Variants in SLC4A4 observed in about 807,000 individuals in gnomAD.
The protein encoded by SLC4A4 is solute carrier family 4 member 4.
In SLC4A4, 27 loss-of-function variants were observed where a neutral mutation model predicts 111.5. The observed-to-expected ratio is 0.24, with a 90% CI of 0.18 to 0.33. The LOEUF (loss-of-function observed/expected upper bound fraction) is 0.33. Among genes scored for constraint, SLC4A4 ranks in the 10% least tolerant of loss-of-function variants. The probability of loss-of-function intolerance (pLI) is 1.00; values close to 1 mark genes in which losing one functional copy is unlikely to be tolerated. For missense variants in SLC4A4, 909 were observed against 1,315.5 expected, an observed-to-expected ratio of 0.69 and a Z score of 4.78; for synonymous variants, 443 against 463.4, an observed-to-expected ratio of 0.96 and a Z score of 0.57.
intron 1 of SLC4A4, among the ~76,000 whole-genome samples, chr4:71,079,771 G>T (rs1741942902): frequency 2.4e-5 from 2 of 84,396 alleles, no homozygotes. Flanking sequence ...ATGAAACTCT[G>T]TCTCAAAAAA....
intron 2 of SLC4A4, among the ~76,000 whole-genome samples, chr4:71,163,548 G>A (rs536337974): frequency 5.1e-4 from 78 of 152,302 alleles, no homozygotes; most frequent in Admixed American, 1.9e-3. Flanking sequence ...GCTGAGTGAG[G>A]AGGCATGGTA....
At chr4:71,430,095 T>G (rs1382709047) in intron 7 of SLC4A4, among the ~76,000 whole-genome samples, 1 of 152,152 alleles carries the variant, frequency 6.6e-6, no homozygotes, top group South Asian at 2.1e-4. Flanking sequence ...TGGGAGAGAT[T>G]TTTAAACTTT....
At chr4:71,305,215 C>A (rs1227109677) in intron 3 of SLC4A4, among the ~76,000 whole-genome samples, 1 of 152,164 alleles carries the variant, frequency 6.6e-6, no homozygotes, top group Non-Finnish European at 1.5e-5. Flanking sequence ...TTTGAATGCA[C>A]AAAAATAGCA....
chr4:71,473,217 C>G (rs909878018), intron 14 of SLC4A4: 51 of 637,856 alleles, frequency 8.0e-5, no homozygotes, highest in Middle Eastern at 3.4e-4. Context: ...GAAATTAACT[C>G]AAACTGTGGG....
At chr4:71,132,300 T>G (rs572596625) in intron 2 of SLC4A4, among the ~76,000 whole-genome samples, 2 of 152,088 alleles carry the variant, frequency 1.3e-5, no homozygotes, top group Non-Finnish European at 2.9e-5. Flanking sequence ...TCCAGACACA[T>G]GTTGACGGGG....
At chr4:71,422,617 C>CA (rs1460853457) in intron 7 of SLC4A4, among the ~76,000 whole-genome samples, 2 of 151,930 alleles carry the variant, frequency 1.3e-5, no homozygotes, top group Non-Finnish European at 2.9e-5. Flanking sequence ...AATCCAGCAG[C>CA]ACATCAAAAA....
chr4:71,091,588 G>T (rs557078172), intron 1 of SLC4A4, among the ~76,000 whole-genome samples: 14 of 152,180 alleles, frequency 9.2e-5, no homozygotes, highest in African/African-American at 3.4e-4. Context: ...TCCTGTGGAT[G>T]AACTGAGGAG....
intron 15 of SLC4A4, among the ~76,000 whole-genome samples, 183 bp downstream of exon 15, chr4:71,487,201 CT>C (rs908709339): frequency 1.6e-3 from 246 of 149,988 alleles, no homozygotes; most frequent in African/African-American, 5.5e-3. Context: ...CTAGTCAGCA[CT>C]TTTTTTTTAT....
In SLC4A4 at chr4:71,433,223, A is replaced by G. The variant is rs187160913; in HGVS notation, c.808-7393A>G. ...TCACTGCAAAAATAAGTCCTCAGAA[A>G]CCTGCATCATAATCCCGCCAAATCT... On this transcript the variant is annotated intron_variant, in intron 7 of 25. Coordinates refer to ENST00000264485, the MANE Select transcript of SLC4A4 (RefSeq NM_001098484.3). Among the ~76,000 whole-genome samples the G allele has an allele frequency of 2.0e-5, 3 of 150,796 alleles. No individual in the cohort carries two copies. In the East Asian group the frequency reaches 5.8e-4, roughly 29 times the overall value.
At chr4:71,131,285 A>G (rs929208083) in intron 2 of SLC4A4, among the ~76,000 whole-genome samples, 2 of 152,138 alleles carry the variant, frequency 1.3e-5, no homozygotes, top group African/African-American at 4.8e-5. Context: ...TCTGAAGTGC[A>G]CTTTCGCCGT....
intron 3 of SLC4A4, among the ~76,000 whole-genome samples, chr4:71,296,555 TTTTATACATGGTAGACTAAATTA>T (rs1472033064): frequency 6.6e-6 from 1 of 152,208 alleles, no homozygotes; most frequent in East Asian, 1.9e-4. Flanking sequence ...TTGGTACTTT[TTTTATACATGGTAGACTAAATTA>T]TAATGTTTTA....
At chr4:71,439,084 A>G (rs981053410) in intron 7 of SLC4A4, among the ~76,000 whole-genome samples, 4 of 151,738 alleles carry the variant, frequency 2.6e-5, no homozygotes, top group Admixed American at 1.3e-4. Flanking sequence ...TGATAGCAAC[A>G]TTTCTCAAAA....
intron 1 of SLC4A4, among the ~76,000 whole-genome samples, chr4:71,214,608 T>C (rs1470671559): frequency 6.6e-6 from 1 of 152,236 alleles, no homozygotes; most frequent in African/African-American, 2.4e-5. Flanking sequence ...TATTTTTTGC[T>C]GTGTACTTAA....
At chr4:71,263,698 T>C (rs1422088160) in intron 3 of SLC4A4, among the ~76,000 whole-genome samples, 1 of 151,964 alleles carries the variant, frequency 6.6e-6, no homozygotes, top group African/African-American at 2.4e-5. Context: ...AGGAAAAGTC[T>C]TTTTTTTATG....
chr4:71,170,749 G>A (rs545583801), intron 2 of SLC4A4, among the ~76,000 whole-genome samples: 58 of 152,184 alleles, frequency 3.8e-4, no homozygotes, highest in Non-Finnish European at 6.6e-4. Flanking sequence ...CTCAATACTG[G>A]TGATGGTGTT....
intron 2 of SLC4A4, among the ~76,000 whole-genome samples, chr4:71,148,072 T>C (rs1032998600): frequency 6.6e-6 from 1 of 152,176 alleles, no homozygotes; most frequent in African/African-American, 2.4e-5. Context: ...CATGGAATCA[T>C]AGAAACTTAC....
chr4:71,081,996 G>A (rs1742005627), intron 1 of SLC4A4, among the ~76,000 whole-genome samples: 1 of 151,892 alleles, frequency 6.6e-6, no homozygotes, highest in Non-Finnish European at 1.5e-5. Context: ...CAACCCTTAG[G>A]TTCTTTTGCT....
chr4:71,560,194 G>A lies in SLC4A4; in HGVS notation c.3039G>A (p.Lys1013=), dbSNP rs1458051519. 6.2e-7 allele frequency: 1 copy of A among 1,610,822 alleles called. No individual in the cohort carries two copies. Among genetic ancestry groups the A allele is most frequent in the Admixed American group, 1.7e-5 (1 of 59,764 alleles). ...TCATTCCAGAAAAGGACAAGAAAAA[G>A]AAGGAGGATGAGAAGAAAAAGAAAA... is the stretch of plus-strand genomic sequence containing the variant. ...DDVIPEKDKK[K]KEDEKKKKKK... Residue 1013 remains lysine, a synonymous_variant, in exon 23 of 26, where the codon AAG becomes AAA. Transcript: ENST00000264485.
chr4:71,261,652 G>A (rs1036955975), intron 3 of SLC4A4, among the ~76,000 whole-genome samples: 4 of 152,194 alleles, frequency 2.6e-5, no homozygotes, highest in Non-Finnish European at 5.9e-5. Flanking sequence ...AAGTCTCTTA[G>A]AGAGCCTTGA....
Sources: allele counts gnomAD v4.1 joint callset (sites outside exome capture counted in the v4.1 genomes callset), GRCh38; gene constraint gnomAD v4.1.1; transcripts MANE v1.5; gene names NCBI Gene and HGNC (gene_info 2026-07-23, HGNC 2026-07-21).